Variants in TMF1 observed in about 807,000 individuals in gnomAD.
TMF1 encodes the protein TATA element modulatory factor.
A neutral mutation model predicts 126.5 loss-of-function variants in TMF1; 71 were observed. The ratio of observed to expected loss-of-function variants is 0.56; its 90% CI spans 0.46 to 0.68. The LOEUF (loss-of-function observed/expected upper bound fraction) is 0.68, where lower values mean the gene tolerates loss of function less well. Ranked by LOEUF, TMF1 falls within the 30% of genes least tolerant of loss-of-function variation. The probability of loss-of-function intolerance (pLI) is 0.00; values close to 1 mark genes in which losing one functional copy is unlikely to be tolerated. For synonymous variants in TMF1, 461 were observed against 430.5 expected (o/e 1.07, Z -0.88); for missense variants, 1,259 against 1,253.2 (o/e 1.00, Z -0.07).
Position 69,047,425 on chromosome 3 carries a change from A to G in TMF1, c.1280T>C (p.Val427Ala). ...INEGQTVLDK[V>A]AEQCEPAESQ... is the part of the protein sequence containing the mutation. ...TTCAGCAGGTTCACACTGCTCAGCC[A>G]CCTTGTCTAACACAGTCTGTCCTTC... The change falls in exon 2 of 17, where the codon GTG becomes GCG. Residue 427 changes from valine (V) to alanine (A), a missense_variant. Coordinates refer to ENST00000398559, the MANE Select transcript of TMF1 (RefSeq NM_007114.3). 3 of 1,614,078 alleles carry G rather than the reference A, an allele frequency of 1.9e-6. No homozygotes were observed. The highest frequency in any genetic ancestry group is 2.5e-6 in the Non-Finnish European group (3 of 1,179,966).
chr3:69,043,681 G>A lies in TMF1; in HGVS notation c.1578+69C>T, dbSNP rs138664980. 2.8e-5 allele frequency: 37 copies of A among 1,309,814 alleles called. 1 individual carries two copies. Among genetic ancestry groups the A allele is most frequent in the East Asian group, 1.2e-4 (5 of 40,598 alleles). The allele number at this position is 1,309,814 out of a possible 1,614,324, so 81.1% of individuals were successfully genotyped here. Reference sequence around the variant, plus strand: ...TCTCTTTTTTCCAATATCAAAATACGATGAATGCACTCCTCAAAAATCTAT... The same window carrying A: ...TCTCTTTTTTCCAATATCAAAATACAATGAATGCACTCCTCAAAAATCTAT... On this transcript the variant is annotated intron_variant, in intron 4 of 16. Transcript: ENST00000398559.
chr3:69,022,831 T>C lies in TMF1; in HGVS notation c.*346A>G, dbSNP rs2107451674. ...TATATAAACACTTACAAATTATAGA[T>C]ACAACTAGTTGTATATCTACAATAC... On this transcript the variant is annotated 3_prime_UTR_variant, in exon 17 of 17. Transcript: ENST00000398559. The C allele has an allele frequency of 6.3e-6, 1 of 159,004 alleles. No individual in the cohort carries two copies. The highest frequency in any genetic ancestry group is 2.4e-5 in the African/African-American group (1 of 41,768). The allele number at this position is 159,004 out of a possible 1,614,324, so 9.8% of individuals were successfully genotyped here.
chr3:69,038,806 C>A, intron 7 of TMF1, 37 bp downstream of exon 7: 1 of 1,584,196 alleles, frequency 6.3e-7, no homozygotes, highest in Non-Finnish European at 8.6e-7. Flanking sequence ...TCTGATAATT[C>A]ATTCTAAATG....
At chr3:69,025,895 C>G in intron 14 of TMF1, 101 bp downstream of exon 14, 1 of 1,142,258 alleles carries the variant, frequency 8.8e-7, no homozygotes, top group South Asian at 1.5e-5. Flanking sequence ...GATGAATTAC[C>G]CATAGAATGG....
Position 69,042,817 on chromosome 3 carries a change from T to C in TMF1, c.1674A>G (p.Leu558=). The C allele has an allele frequency of 1.9e-6, 3 of 1,613,294 alleles. No homozygotes were observed. Among genetic ancestry groups the C allele is most frequent in the African/African-American group, 1.3e-5 (1 of 75,022 alleles). ...AAATACTATACGCACCTTCTTCCAT[T>C]AACCCTCGGATCTGCTCATCTTTCT... The part of the protein sequence containing the change: ...LKEKDEQIRG[L]MEEGEKLSKQ... The change falls in exon 5 of 17, where the codon TTA becomes TTG. Residue 558 remains leucine (L), a synonymous_variant. Coordinates refer to ENST00000398559, the MANE Select transcript of TMF1 (RefSeq NM_007114.3).
At chr3:69,033,880 G>C (rs2091818241) in intron 9 of TMF1, 176 bp from the exon 10 acceptor site, 2 of 543,884 alleles carry the variant, frequency 3.7e-6, no homozygotes, top group Admixed American at 3.8e-5. Flanking sequence ...ACCCAGGCTG[G>C]AGTGCAGTGG....
intron 5 of TMF1, chr3:69,042,313 C>T (rs1260078116): frequency 3.1e-5 from 14 of 455,306 alleles, no homozygotes; most frequent in Non-Finnish European, 6.2e-5. Flanking sequence ...GCTGAGATTA[C>T]AGTCATAAGC....
chr3:69,044,367 C>A, intron 3 of TMF1, 125 bp downstream of exon 3: 1 of 558,132 alleles, frequency 1.8e-6, no homozygotes. Context: ...TAATTGAAAG[C>A]TATACAACTT....
In TMF1 at chr3:69,020,610, A is replaced by G. The variant is rs1470479495; in HGVS notation, c.*2567T>C. On this transcript the variant is annotated 3_prime_UTR_variant, in exon 17 of 17. Transcript: ENST00000398559. ...GAGATGTTTTAATGACAAACAGCAAAGTATAGCAACGAATATTCAATAGGT... is the reference window on the plus strand; with the variant it reads ...GAGATGTTTTAATGACAAACAGCAAGGTATAGCAACGAATATTCAATAGGT... 6.6e-6 allele frequency: 1 copy of G among 152,206 alleles called. No homozygotes were observed. The highest frequency in any genetic ancestry group is 1.5e-5 in the Non-Finnish European group (1 of 68,006). The allele number at this position is 152,206 out of a possible 1,614,324, so 9.4% of individuals were successfully genotyped here. A position where few individuals can be genotyped will look rare whatever the true frequency, so the allele number is the denominator to read the frequency against.
intron 2 of TMF1, among the ~76,000 whole-genome samples, chr3:69,045,178 C>G (rs919758358): frequency 2.6e-5 from 4 of 152,182 alleles, no homozygotes. Context: ...TAAAAGTAGG[C>G]CAGGCGCAGT....
intron 12 of TMF1, 45 bp downstream of exon 12, chr3:69,028,181 C>A (rs758371356): frequency 2.0e-6 from 3 of 1,522,602 alleles, no homozygotes; most frequent in Admixed American, 3.5e-5. Flanking sequence ...CCCAACCATT[C>A]TCTAATGTAT....
chr3:69,038,821 G>A (rs1157020685), intron 7 of TMF1, 22 bp downstream of exon 7: 4 of 1,582,004 alleles, frequency 2.5e-6, no homozygotes, highest in African/African-American at 1.4e-5. Flanking sequence ...TAAATGGGTT[G>A]CATATTTGTT....
chr3:69,025,918 G>T, intron 14 of TMF1, 78 bp downstream of exon 14: 2 of 1,306,682 alleles, frequency 1.5e-6, no homozygotes, highest in South Asian at 1.3e-5. Flanking sequence ...AGGTCATGAT[G>T]ACAGACAATA....
intron 1 of TMF1, chr3:69,048,822 C>G (rs972826049): frequency 3.0e-6 from 1 of 330,754 alleles, no homozygotes; most frequent in African/African-American, 2.1e-5. Flanking sequence ...GCCTGGACTA[C>G]CAGATGCGAG....
rs753795416 is a variant in TMF1, at chr3:69,025,605, T to C, written c.2967A>G (p.Leu989=). The change falls in exon 15 of 17, where the codon CTA becomes CTG. Residue 989 remains leucine (L), a synonymous_variant. Transcript: ENST00000398559. ...CTTCCCTTAGCTTTAGCTGAGACTG[T>C]AGGTTTTCAATTATGCTTGATCCTG... ...MGAGSSIIEN[L]QSQLKLREGE... The C allele has an allele frequency of 1.9e-6, 3 of 1,614,082 alleles. No individual in the cohort carries two copies. In the South Asian group the frequency reaches 3.3e-5, roughly 18 times the overall value.
chr3:69,024,830 A>C (rs1441190886), intron 15 of TMF1: 1 of 94,066 alleles, frequency 1.1e-5, no homozygotes, highest in African/African-American at 4.2e-5. Flanking sequence ...TTTTCAGATT[A>C]TGGAATAATT....
At chr3:69,026,688 C>A (rs953311435) in intron 13 of TMF1, among the ~76,000 whole-genome samples, 2 of 148,684 alleles carry the variant, frequency 1.3e-5, no homozygotes, top group Non-Finnish European at 2.9e-5. Flanking sequence ...TTGGTTAGAT[C>A]ATCACAGAAC....
intron 3 of TMF1, 120 bp from the exon 4 acceptor site, chr3:69,043,996 C>T (rs950278799): frequency 1.0e-5 from 7 of 691,230 alleles, no homozygotes; most frequent in Non-Finnish European, 1.5e-5. Context: ...TAAAATAGAA[C>T]AGTTTTAGGC....
At chr3:69,038,464 G>C in intron 8 of TMF1, 100 bp downstream of exon 8, 2 of 1,292,278 alleles carry the variant, frequency 1.5e-6, no homozygotes, top group South Asian at 1.4e-5. Context: ...TCTAACACAT[G>C]TATCACTACA....
Sources: gnomAD v4.1 joint callset for allele counts (sites outside exome capture counted in the v4.1 genomes callset) on GRCh38, gnomAD v4.1.1 for gene constraint, MANE v1.5 for transcripts, NCBI Gene and HGNC (gene_info 2026-07-23, HGNC 2026-07-21) for gene names.